Variants in GPALPP1 observed in about 807,000 individuals in gnomAD.
GPALPP1 encodes the protein GPALPP motifs containing 1.
In GPALPP1, 30 loss-of-function variants were observed where a neutral mutation model predicts 38.9. The observed-to-expected ratio is 0.77, with a 90% CI of 0.58 to 1.05. The LOEUF (loss-of-function observed/expected upper bound fraction) is 1.05. Among genes scored for constraint, GPALPP1 ranks in the 50% least tolerant of loss-of-function variants. The pLI, the probability that GPALPP1 is intolerant of heterozygous loss-of-function variation, is 0.00. For synonymous variants in GPALPP1, 120 were observed against 139.2 expected (o/e 0.86, Z 0.97); for missense variants, 384 against 408.8 (o/e 0.94, Z 0.52).
downstream of GPALPP1, chr13:45,030,799 T>G (rs1876159685): frequency 6.6e-6 from 1 of 152,122 alleles, no homozygotes; most frequent in Non-Finnish European, 1.5e-5. Flanking sequence ...ATAATAGCAG[T>G]ACAGTATATT....
chr13:45,032,325 C>G (rs1185001889), downstream of GPALPP1, among the ~76,000 whole-genome samples: 1 of 151,948 alleles, frequency 6.6e-6, no homozygotes, highest in African/African-American at 2.4e-5. Flanking sequence ...ATGCTAGCAA[C>G]CTTGTTTAGA....
At chr13:44,995,209 C>CTCT (rs10658656) in intron 1 of GPALPP1, among the ~76,000 whole-genome samples, 128,166 of 148,080 alleles carry the variant, frequency 0.87, 56,423 homozygotes, top group East Asian at 0.99. Context: ...CACACCCCTT[C>CTCT]TCTTTTGGTT....
chr13:44,999,305 A>C (rs918205593), intron 1 of GPALPP1, among the ~76,000 whole-genome samples: 1 of 152,156 alleles, frequency 6.6e-6, no homozygotes, highest in Admixed American at 6.5e-5. Context: ...TGTGATATGA[A>C]AGGGAAATAA....
chr13:45,014,621 G>T (rs1255802386), intron 4 of GPALPP1, among the ~76,000 whole-genome samples: 1 of 152,150 alleles, frequency 6.6e-6, no homozygotes, highest in Non-Finnish European at 1.5e-5. Context: ...CCACAAGACA[G>T]TATATAGTTG....
chr13:45,032,168 C>G (rs761409700), downstream of GPALPP1: 1 of 151,830 alleles, frequency 6.6e-6, no homozygotes, highest in Non-Finnish European at 1.5e-5. Context: ...GAACAAAACA[C>G]GAGAGATGGT....
At chr13:45,004,572 C>G in intron 2 of GPALPP1, 135 bp downstream of exon 2, 1 of 600,344 alleles carries the variant, frequency 1.7e-6, no homozygotes, top group Non-Finnish European at 2.9e-6. Flanking sequence ...TGTGGCATTT[C>G]ATCCTGAATT....
intron 2 of GPALPP1, among the ~76,000 whole-genome samples, 170 bp from the exon 3 acceptor site, chr13:45,006,032 T>TA (rs67132896): frequency 8.1e-5 from 12 of 148,092 alleles, no homozygotes; most frequent in Admixed American, 4.0e-4. Context: ...TCTCAAAAAA[T>TA]AAAAAAAAAA....
intron 7 of GPALPP1, among the ~76,000 whole-genome samples, chr13:45,021,446 A>C (rs1164017830): frequency 2.0e-5 from 3 of 152,150 alleles, no homozygotes; most frequent in Non-Finnish European, 1.5e-5. Flanking sequence ...TTCAACCCAA[A>C]TTATCTGACC....
intron 1 of GPALPP1, among the ~76,000 whole-genome samples, chr13:44,993,684 A>G (rs1028279352): frequency 6.6e-6 from 1 of 151,338 alleles, no homozygotes; most frequent in Middle Eastern, 3.2e-3. Context: ...TCCGTCTCAA[A>G]AAAAAAAAAA....
At chr13:45,006,173 T>G (rs1164941651) in intron 2 of GPALPP1, 29 bp from the exon 3 acceptor site, 1 of 1,304,238 alleles carries the variant, frequency 7.7e-7, no homozygotes, top group East Asian at 2.3e-5. Context: ...TTGACATATA[T>G]GCATAAAGTT....
At chr13:45,016,879 A>G (rs1343223138) in intron 6 of GPALPP1, among the ~76,000 whole-genome samples, 1 of 152,184 alleles carries the variant, frequency 6.6e-6, no homozygotes, top group African/African-American at 2.4e-5. Flanking sequence ...TCCTGGGCTC[A>G]AGCAATCCTC....
intron 1 of GPALPP1, among the ~76,000 whole-genome samples, chr13:44,992,343 A>T (rs1433079285): frequency 6.6e-6 from 1 of 152,086 alleles, no homozygotes; most frequent in African/African-American, 2.4e-5. Flanking sequence ...ATATTGATTT[A>T]TAGAGTTCTT....
chr13:45,027,762 T>G lies in GPALPP1; in HGVS notation c.805-23T>G, dbSNP rs571016125. The G allele has an allele frequency of 9.1e-6, 10 of 1,097,374 alleles. No individual in the cohort carries two copies. In the South Asian group the frequency reaches 1.1e-4, roughly 12 times the overall value. The allele number at this position is 1,097,374 out of a possible 1,614,324, so 68.0% of individuals were successfully genotyped here. On this transcript the variant is annotated intron_variant, in intron 7 of 7. Transcript: ENST00000379151. ...TCTATATACAAACTATAGTTTTTAT[T>G]TCTGCTCTCCTGCTCTCTCCAGGAA...
At chr13:45,033,618 G>A (rs1468320133), downstream of GPALPP1, 1 of 152,120 alleles carries the variant, frequency 6.6e-6, no homozygotes, top group Non-Finnish European at 1.5e-5. Context: ...AGAAGTTGTA[G>A]TATTTATTTT....
intron 7 of GPALPP1, among the ~76,000 whole-genome samples, chr13:45,023,052 T>C (rs1250167276): frequency 6.6e-6 from 1 of 151,102 alleles, no homozygotes; most frequent in African/African-American, 2.4e-5. Flanking sequence ...TCTAAAAAAC[T>C]TTTTTTTAAT....
chr13:45,027,759 T>C, intron 7 of GPALPP1, 26 bp from the exon 8 acceptor site: 1 of 1,074,480 alleles, frequency 9.3e-7, no homozygotes, highest in Non-Finnish European at 1.4e-6. Context: ...CTATAGTTTT[T>C]ATTTCTGCTC....
chr13:45,017,556 TTGCTTACA>T (rs1196568328), intron 6 of GPALPP1, among the ~76,000 whole-genome samples: 1 of 152,246 alleles, frequency 6.6e-6, no homozygotes, highest in Non-Finnish European at 1.5e-5. Context: ...ATTAATTCCC[TTGCTTACA>T]TGCCTTTTTA....
intron 7 of GPALPP1, among the ~76,000 whole-genome samples, chr13:45,023,023 A>C (rs762989916): frequency 4.6e-5 from 7 of 151,350 alleles, no homozygotes; most frequent in Non-Finnish European, 7.4e-5. Context: ...TGCAGGGTCT[A>C]CACAGAGCAA....
chr13:45,027,647 A>G (rs1393862618), intron 7 of GPALPP1, 138 bp from the exon 8 acceptor site: 9 of 343,030 alleles, frequency 2.6e-5, no homozygotes, highest in East Asian at 5.9e-5. Context: ...TTGGATTTGG[A>G]AAAAAAAAAA....
Sources: allele counts gnomAD v4.1 joint callset (sites outside exome capture counted in the v4.1 genomes callset), GRCh38; gene constraint gnomAD v4.1.1; transcripts MANE v1.5; gene names NCBI Gene and HGNC (gene_info 2026-07-23, HGNC 2026-07-21).